The following SDK2 variants were observed in gnomAD, a reference collection of about 807,000 sequenced individuals.
SDK2 encodes the protein sidekick cell adhesion molecule 2.
Under a neutral mutation model 253.9 loss-of-function variants are expected in SDK2, and 105 were observed. The observed-to-expected ratio is 0.41, with a 90% CI of 0.35 to 0.49. The LOEUF is 0.49. SDK2 is among the 20% of genes least tolerant of loss of function. SDK2 has a pLI of 0.06. For synonymous variants in SDK2, 1,249 were observed against 1,234.9 expected (o/e 1.01, Z -0.24); for missense variants, 2,608 against 3,003.0 (o/e 0.87, Z 3.07).
chr17:73,556,917 C>T (rs577633189), intron 1 of SDK2, among the ~76,000 whole-genome samples: 1 of 152,308 alleles, frequency 6.6e-6, no homozygotes, highest in East Asian at 1.9e-4. Flanking sequence ...GTTAAACACA[C>T]AAGGAAATTA....
At position 73,639,980 on chromosome 17, in the gene SDK2, A is replaced by T. The variant is rs2046378240; in HGVS notation, c.64+4045T>A. ...TTCCCATTAGTCCTTAGGACAGAAG[A>T]TAAGCCCATTCTCCCCTCCTTGTTA... On this transcript the variant is annotated intron_variant, in intron 1 of 44. Coordinates refer to ENST00000392650, the MANE Select transcript of SDK2 (RefSeq NM_001144952.2). This position sits in a 1 kb window ranked among gnomAD's most constrained non-coding sequence, Gnocchi z 4.3. Among the ~76,000 whole-genome samples, 1 of 152,152 alleles carries T rather than the reference A, an allele frequency of 6.6e-6. No individual in the cohort carries two copies. The highest frequency in any genetic ancestry group is 2.4e-5 in the African/African-American group (1 of 41,430).
rs57142159 is a variant in SDK2, at chr17:73,525,707, C to T, written c.65-18110G>A. On this transcript the variant is annotated intron_variant, in intron 1 of 44. Coordinates refer to ENST00000392650, the MANE Select transcript of SDK2 (RefSeq NM_001144952.2). ...CCCATCCCTATCCTAGAAGTAATTC[C>T]CTCCCTTTTGCACTGGCTCCCCCAT... Among the ~76,000 whole-genome samples, 988 of 152,162 alleles carry T rather than the reference C, an allele frequency of 6.5e-3. 8 individuals carry two copies. The highest frequency in any genetic ancestry group is 0.023 in the African/African-American group (939 of 41,520).
intron 1 of SDK2, among the ~76,000 whole-genome samples, chr17:73,553,027 T>C (rs988825145): frequency 1.3e-5 from 2 of 152,182 alleles, no homozygotes; most frequent in South Asian, 4.1e-4. Flanking sequence ...AGCTCCCAGG[T>C]AGGGCAGACG....
At chr17:73,604,052 T>C (rs2143076546) in intron 1 of SDK2, among the ~76,000 whole-genome samples, 1 of 152,352 alleles carries the variant, frequency 6.6e-6, no homozygotes, top group East Asian at 1.9e-4. Context: ...GCAGATCCCC[T>C]GGAGATTGCC....
intron 2 of SDK2, among the ~76,000 whole-genome samples, chr17:73,486,301 T>C (rs2063768813): frequency 3.9e-5 from 6 of 151,900 alleles, no homozygotes; most frequent in Admixed American, 3.9e-4. Context: ...TAAACATTGG[T>C]GGTGGGAGCA....
chr17:73,510,128 T>C (rs1481681534), intron 1 of SDK2, among the ~76,000 whole-genome samples: 5 of 151,812 alleles, frequency 3.3e-5, no homozygotes, highest in Non-Finnish European at 5.9e-5. Flanking sequence ...CCTCTCACCA[T>C]CAGATCTGCC....
At chr17:73,633,005 G>A (rs2046288445) in intron 1 of SDK2, among the ~76,000 whole-genome samples, 1 of 152,178 alleles carries the variant, frequency 6.6e-6, no homozygotes, top group African/African-American at 2.4e-5. Flanking sequence ...AAAATAGGCT[G>A]GGTGTGGTGG....
At chr17:73,640,054 T>C (rs994488686) in intron 1 of SDK2, among the ~76,000 whole-genome samples, 1 of 152,180 alleles carries the variant, frequency 6.6e-6, no homozygotes, top group African/African-American at 2.4e-5. Context: ...TGTGGACCAA[T>C]ATGCAGGTTA....
intron 1 of SDK2, among the ~76,000 whole-genome samples, chr17:73,598,036 A>G (rs114746735): frequency 0.012 from 1,830 of 152,204 alleles, 34 homozygotes; most frequent in African/African-American, 0.042. Context: ...TTGGGTCACT[A>G]TTCTGAGGTT....
rs2063516730 is a variant in SDK2, at chr17:73,455,233, G to C, written c.479+673C>G. On this transcript the variant is annotated intron_variant, in intron 4 of 44. Transcript: ENST00000392650. This position sits in a 1 kb window ranked among gnomAD's most constrained non-coding sequence, Gnocchi z 5.0. ...GAGCCCCAGCTGCCTCCAGACCCGGGGGTGGCTCAGGAGGGCGGGGAGACG... is the reference window on the plus strand; with the variant it reads ...GAGCCCCAGCTGCCTCCAGACCCGGCGGTGGCTCAGGAGGGCGGGGAGACG... 6.6e-6 allele frequency among the ~76,000 whole-genome samples: 1 copy of C among 152,142 alleles called. No individual in the cohort carries two copies. Among genetic ancestry groups the C allele is most frequent in the Non-Finnish European group, 1.5e-5 (1 of 68,020 alleles).
At chr17:73,491,953 C>T (rs905875529) in intron 2 of SDK2, among the ~76,000 whole-genome samples, 4 of 152,174 alleles carry the variant, frequency 2.6e-5, no homozygotes, top group African/African-American at 7.2e-5. Flanking sequence ...TTACAGTGAC[C>T]CCCATCAGGA....
At chr17:73,357,479 C>T (rs562630148) in intron 40 of SDK2, 3 of 186,442 alleles carry the variant, frequency 1.6e-5, no homozygotes, top group East Asian at 1.9e-4. Flanking sequence ...AACCTAGCAA[C>T]GCAGGGAGCT....
rs2064195429 is a variant in SDK2 at position 73,534,182 on chromosome 17, C to T, written c.65-26585G>A. Among the ~76,000 whole-genome samples, 1 of 152,168 alleles carries T rather than the reference C, an allele frequency of 6.6e-6. No individual in the cohort carries two copies. Among genetic ancestry groups the T allele is most frequent in the Admixed American group, 6.5e-5 (1 of 15,284 alleles). On this transcript the variant is annotated intron_variant, in intron 1 of 44. Coordinates refer to ENST00000392650, the MANE Select transcript of SDK2 (RefSeq NM_001144952.2). The surrounding 1 kb of genome is among the most constrained non-coding windows in gnomAD (Gnocchi z 4.9). ...TCAGCAACCACGGGACAATGCAGTG[C>T]AATGGCTGGTAGGAGAGACTCAGTA...
At chr17:73,458,449 C>T (rs78165836) in intron 3 of SDK2, among the ~76,000 whole-genome samples, 2,018 of 152,344 alleles carry the variant, frequency 0.013, 60 homozygotes, top group African/African-American at 0.047. Flanking sequence ...GATTCTGTCA[C>T]ACAATCGTTT....
At chr17:73,505,946 AC>A (rs1386667873) in intron 2 of SDK2, among the ~76,000 whole-genome samples, 1 of 152,128 alleles carries the variant, frequency 6.6e-6, no homozygotes, top group African/African-American at 2.4e-5. Context: ...TCTGTGTACC[AC>A]CCGCCCTTGC....
intron 1 of SDK2, among the ~76,000 whole-genome samples, chr17:73,539,754 G>A (rs567343527): frequency 4.1e-4 from 62 of 152,340 alleles, no homozygotes; most frequent in African/African-American, 1.5e-3. Context: ...GGTCACAAAG[G>A]TGGCCCCTAA....
intron 1 of SDK2, among the ~76,000 whole-genome samples, chr17:73,636,702 A>AG (rs1399052368): frequency 1.0e-5 from 1 of 100,002 alleles, no homozygotes; most frequent in African/African-American, 4.1e-5. Context: ...AAAAAAAAAA[A>AG]AAAAGAAAAG....
intron 2 of SDK2, among the ~76,000 whole-genome samples, chr17:73,507,060 G>C (rs2063941363): frequency 6.6e-6 from 1 of 152,230 alleles, no homozygotes; most frequent in Non-Finnish European, 1.5e-5. Flanking sequence ...TTGGACCCAG[G>C]CCCCACAACA....
intron 1 of SDK2, 131 bp from the exon 2 acceptor site, chr17:73,507,728 TG>T: frequency 2.1e-6 from 2 of 959,672 alleles, no homozygotes; most frequent in Non-Finnish European, 3.0e-6. Flanking sequence ...GTCCCGTGGC[TG>T]GGAGGGACTT....
Sources: allele counts gnomAD v4.1 joint callset (sites outside exome capture counted in the v4.1 genomes callset), GRCh38; gene constraint gnomAD v4.1.1; non-coding constraint Gnocchi (gnomAD v3.1); transcripts MANE v1.5; gene names NCBI Gene and HGNC (gene_info 2026-07-23, HGNC 2026-07-21).